BRF1: variants seen among roughly 807,000 people sequenced by gnomAD.
BRF1 encodes the protein transcription factor IIIB 90 kDa subunit.
A neutral mutation model predicts 81.7 loss-of-function variants in BRF1; 59 were observed. The ratio of observed to expected loss-of-function variants is 0.72; its 90% CI spans 0.59 to 0.90. BRF1 has a LOEUF of 0.90. Ranked by LOEUF, BRF1 falls within the 40% of genes least tolerant of loss-of-function variation. BRF1 has a pLI of 0.00. For missense variants in BRF1, 1,050 were observed against 936.3 expected (o/e 1.12, Z -1.58); for synonymous variants, 491 against 395.6 (o/e 1.24, Z -2.86).
rs1271133504 is a variant in BRF1 at position 105,315,280 on chromosome 14, C to G, written c.-162+42G>C. ...CTCAGCTTCCGAGGACCCGGTGCTG[C>G]TCAGACCCGGCGGGACCTTGGGGCT... On this transcript the variant is annotated intron_variant, in intron 1 of 17. Transcript: ENST00000327359. This position sits in a 1 kb window ranked among gnomAD's most constrained non-coding sequence, Gnocchi z 4.4. The G allele has an allele frequency of 6.2e-6, 1 of 160,862 alleles. No homozygotes were observed. The highest frequency in any genetic ancestry group is 1.3e-5 in the Non-Finnish European group (1 of 74,792). The allele number at this position is 160,862 out of a possible 1,614,324, so 10.0% of individuals were successfully genotyped here. A position where few individuals can be genotyped will look rare whatever the true frequency, so the allele number is the denominator to read the frequency against.
Position 105,216,011 on chromosome 14 carries a change from C to T in BRF1, c.1772+1533G>A, listed in dbSNP as rs957470699. 1.6e-4 allele frequency among the ~76,000 whole-genome samples: 23 copies of T among 145,744 alleles called. 1 individual carries two copies. The highest frequency in any genetic ancestry group is 4.0e-4 in the Admixed American group (6 of 14,822). ...AGGCGCACACACACATGCACACACA[C>T]GCTGCAGGCATACAGACACAGGCAC... On this transcript the variant is annotated intron_variant, in intron 15 of 17. Transcript: ENST00000547530.
At chr14:105,229,171 C>A (rs80058992) in intron 6 of BRF1, among the ~76,000 whole-genome samples, 2 of 152,218 alleles carry the variant, frequency 1.3e-5, no homozygotes, top group African/African-American at 2.4e-5. Flanking sequence ...GAGAGCTTCA[C>A]GTAATCCCTC....
At chr14:105,258,405 C>T (rs1392180451) in intron 3 of BRF1, among the ~76,000 whole-genome samples, 3 of 151,466 alleles carry the variant, frequency 2.0e-5, no homozygotes, top group Admixed American at 6.6e-5. Flanking sequence ...AGGAGAATGG[C>T]GTGAACCCAG....
intron 5 of BRF1, chr14:105,242,554 G>C (rs2054758527): frequency 6.6e-6 from 1 of 151,778 alleles, no homozygotes; most frequent in Admixed American, 6.6e-5. Context: ...TGACCAACAT[G>C]GAGAAACCCC....
At position 105,284,790 on chromosome 14, in the gene BRF1, C is replaced by CA. The variant is rs59772372; in HGVS notation, c.265+1505dup. ...CACCACTGCTATTCAATGTGGTAAA[C>CA]AAAAAAAACAAAAACAAAAAACAGG... On this transcript the variant is annotated intron_variant, in intron 2 of 17. Transcript: ENST00000547530. The surrounding 1 kb of genome is among the most constrained non-coding windows in gnomAD (Gnocchi z 4.0). Among the ~76,000 whole-genome samples the CA allele has an allele frequency of 0.011, 1,638 of 151,168 alleles. 33 individuals are homozygous for CA. The highest frequency in any genetic ancestry group is 0.038 in the African/African-American group (1,557 of 41,162).
rs1566858707 is a variant in BRF1, at chr14:105,277,514, GC to G, written c.266-4621del. 7.3e-3 allele frequency among the ~76,000 whole-genome samples: 892 copies of G among 122,544 alleles called. 83 individuals are homozygous for G. Among genetic ancestry groups the G allele is most frequent in the African/African-American group, 0.024 (759 of 31,412 alleles). The allele number at this position is 122,544 out of a possible 152,430, so 80.4% of individuals were successfully genotyped here. On this transcript the variant is annotated intron_variant, in intron 2 of 17. Coordinates refer to ENST00000547530, the MANE Select transcript of BRF1 (RefSeq NM_001519.4). ...GGCCACAGTGAGAAGGAGCTGAGAG[GC>G]GGCCCTCACTAGAGAGCTGGGGAGG...
chr14:105,224,728 T>C (rs1892820120), intron 10 of BRF1, among the ~76,000 whole-genome samples: 1 of 152,170 alleles, frequency 6.6e-6, no homozygotes, highest in Non-Finnish European at 1.5e-5. Context: ...TTTTATTTTT[T>C]GTAGAGATGG....
At chr14:105,287,730 T>G (rs2057367765) in intron 1 of BRF1, among the ~76,000 whole-genome samples, 1 of 152,184 alleles carries the variant, frequency 6.6e-6, no homozygotes, top group South Asian at 2.1e-4. Flanking sequence ...TGAATGTAAC[T>G]GAATCCCAAA....
At chr14:105,265,230 C>G (rs773798352) in intron 3 of BRF1, among the ~76,000 whole-genome samples, 8 of 151,974 alleles carry the variant, frequency 5.3e-5, no homozygotes, top group African/African-American at 1.7e-4. Flanking sequence ...ACCACCACAC[C>G]TGGCTAATTT....
chr14:105,271,248 A>C lies in BRF1; in HGVS notation c.439+1473T>G, dbSNP rs182000023. 5.9e-5 allele frequency among the ~76,000 whole-genome samples: 9 copies of C among 152,354 alleles called. No individual in the cohort carries two copies. Among genetic ancestry groups the C allele is most frequent in the African/African-American group, 2.2e-4 (9 of 41,586 alleles). ...ACACATCTAACGACGAATTCAACAG[A>C]AGCTCAGGACAGGAAGCTGTCAGAG... On this transcript the variant is annotated intron_variant, in intron 3 of 17. Coordinates refer to ENST00000547530, the MANE Select transcript of BRF1 (RefSeq NM_001519.4). This position sits in a 1 kb window ranked among gnomAD's most constrained non-coding sequence, Gnocchi z 5.5.
At chr14:105,293,008 C>T (rs2057585656) in intron 1 of BRF1, among the ~76,000 whole-genome samples, 1 of 152,220 alleles carries the variant, frequency 6.6e-6, no homozygotes, top group Non-Finnish European at 1.5e-5. Flanking sequence ...AGCTTCCTCC[C>T]TCACCCAGAT....
chr14:105,229,166 C>G (rs1421840283), intron 6 of BRF1, among the ~76,000 whole-genome samples: 1 of 152,230 alleles, frequency 6.6e-6, no homozygotes, highest in Non-Finnish European at 1.5e-5. Flanking sequence ...CTTCCGAGAG[C>G]TTCACGTAAT....
intron 1 of BRF1, among the ~76,000 whole-genome samples, chr14:105,310,984 C>T (rs2058337625): frequency 6.6e-6 from 1 of 152,172 alleles, no homozygotes; most frequent in African/African-American, 2.4e-5. Flanking sequence ...CAGAGTTTCA[C>T]TCTTGTCACC....
At chr14:105,215,724 GCACA>G (rs56049782) in intron 15 of BRF1, among the ~76,000 whole-genome samples, 18 of 116,122 alleles carry the variant, frequency 1.6e-4, no homozygotes, top group African/African-American at 3.5e-4. Flanking sequence ...ACACACACAT[GCACA>G]CACACACACT....
chr14:105,264,909 A>G (rs1485137699), intron 3 of BRF1, among the ~76,000 whole-genome samples: 2 of 152,110 alleles, frequency 1.3e-5, no homozygotes, highest in Admixed American at 1.3e-4. Context: ...AGAAAGGATG[A>G]GCAAAAGAGA....
intron 2 of BRF1, among the ~76,000 whole-genome samples, chr14:105,280,930 G>A (rs1416082740): frequency 6.9e-6 from 1 of 145,626 alleles, no homozygotes; most frequent in Non-Finnish European, 1.5e-5. Context: ...GCCCAGGTGT[G>A]TGGACAGAGC....
intron 4 of BRF1, among the ~76,000 whole-genome samples, chr14:105,255,779 A>G (rs966400849): frequency 6.6e-6 from 1 of 152,214 alleles, no homozygotes; most frequent in Non-Finnish European, 1.5e-5. Flanking sequence ...TGTGGTACCC[A>G]GAAAGTGAGT....
intron 10 of BRF1, among the ~76,000 whole-genome samples, chr14:105,225,222 C>T (rs757838867): frequency 3.3e-5 from 5 of 152,216 alleles, no homozygotes; most frequent in Non-Finnish European, 5.9e-5. Flanking sequence ...TTCTCAGGCC[C>T]TCCCGTGGCT....
Position 105,300,790 on chromosome 14 carries a change from C to A in BRF1, c.-161G>T, listed in dbSNP as rs193282388. On this transcript the variant is annotated 5_prime_UTR_variant, in exon 1 of 18. Coordinates refer to ENST00000547530, the MANE Select transcript of BRF1 (RefSeq NM_001519.4). ...TTCGCAGCCGCAGATTCGCCGCGCG[C>A]GCCCGGGCCGCGCCGCCCGCAACGG... 0.026 allele frequency: 9,970 copies of A among 379,760 alleles called. 193 individuals carry two copies. The highest frequency in any genetic ancestry group is 0.068 in the African/African-American group (3,124 of 46,028). The allele number at this position is 379,760 out of a possible 1,614,324, so 23.5% of individuals were successfully genotyped here. A position where few individuals can be genotyped will look rare whatever the true frequency, so the allele number is the denominator to read the frequency against.
Sources: gnomAD v4.1 joint callset for allele counts (sites outside exome capture counted in the v4.1 genomes callset) on GRCh38, gnomAD v4.1.1 for gene constraint, Gnocchi (gnomAD v3.1) non-coding constraint, MANE v1.5 for transcripts, NCBI Gene and HGNC (gene_info 2026-07-23, HGNC 2026-07-21) for gene names.